The following CAST variants were observed in gnomAD, a reference collection of about 807,000 sequenced individuals.
CAST encodes the protein MIR583 host.
A neutral mutation model predicts 119.6 loss-of-function variants in CAST; 76 were observed. That is an observed-to-expected ratio of 0.64 (90% CI 0.53 to 0.77). CAST has a LOEUF of 0.77. Among genes scored for constraint, CAST ranks in the 30% least tolerant of loss-of-function variants. The pLI is 0.00. For synonymous variants in CAST, 319 were observed against 331.6 expected (o/e 0.96, Z 0.41); for missense variants, 953 against 946.5 (o/e 1.01, Z -0.09).
the CAST span, among the ~76,000 whole-genome samples, chr5:96,250,090 C>A: frequency 1.3e-5 from 2 of 152,140 alleles, no homozygotes; most frequent in East Asian, 3.8e-4. Flanking sequence ...CTTCACTTCC[C>A]AAACATAAAT....
rs58046546 is a variant in CAST at position 96,617,198 on chromosome 5, T to C, written c.61-58341T>C. ...TCTAAATCACTGACTGCTCTGAGAATGTAGTAAAAGCTACAGACTCTTGCC... is the reference window on the plus strand; with the variant it reads ...TCTAAATCACTGACTGCTCTGAGAACGTAGTAAAAGCTACAGACTCTTGCC... On this transcript the variant is annotated intron_variant, in intron 1 of 11. Coordinates refer to the CAST transcript ENST00000505143. Among the ~76,000 whole-genome samples the C allele has an allele frequency of 6.8e-3, 1,027 of 152,122 alleles. 12 individuals carry two copies. The highest frequency in any genetic ancestry group is 0.024 in the African/African-American group (985 of 41,494).
chr5:96,550,114 C>T (rs1746098567), intron 1 of CAST, among the ~76,000 whole-genome samples: 1 of 152,220 alleles, frequency 6.6e-6, no homozygotes, highest in Non-Finnish European at 1.5e-5. Context: ...CAAGTGGGTC[C>T]CTGACCCCCG....
upstream of CAST, among the ~76,000 whole-genome samples, chr5:96,659,855 A>G (rs72772072): frequency 0.092 from 14,040 of 152,220 alleles, 881 homozygotes; most frequent in Middle Eastern, 0.14. Context: ...TCCCCAAATT[A>G]GTAAATGCTG....
At chr5:96,508,602 A>G in the CAST span, among the ~76,000 whole-genome samples, 1 of 152,104 alleles carries the variant, frequency 6.6e-6, no homozygotes, top group Non-Finnish European at 1.5e-5. Context: ...GCAGCTTGTA[A>G]AGAAAAATTC....
the CAST span, among the ~76,000 whole-genome samples, chr5:96,286,289 A>G: frequency 6.6e-6 from 1 of 152,236 alleles, no homozygotes; most frequent in African/African-American, 2.4e-5. Flanking sequence ...TCTAGTTGCC[A>G]TAAAGGTAGC....
chr5:96,061,569 T>TATAGCCCC, the CAST span, among the ~76,000 whole-genome samples: 2 of 152,074 alleles, frequency 1.3e-5, no homozygotes, highest in Admixed American at 1.3e-4. Context: ...TTGGATGCAC[T>TATAGCCCC]ATAGCCCCTC....
At chr5:96,717,616 G>T (rs1757415138) in intron 3 of CAST, among the ~76,000 whole-genome samples, 1 of 152,170 alleles carries the variant, frequency 6.6e-6, no homozygotes, top group South Asian at 2.1e-4. Context: ...CTTGCTCAAG[G>T]TTGCATGTGC....
At chr5:96,006,340 A>G in the CAST span, among the ~76,000 whole-genome samples, 2 of 151,936 alleles carry the variant, frequency 1.3e-5, no homozygotes, top group African/African-American at 2.4e-5. Flanking sequence ...GATATACACT[A>G]ACACCAACAA....
At chr5:96,211,742 C>T in the CAST span, among the ~76,000 whole-genome samples, 2 of 151,916 alleles carry the variant, frequency 1.3e-5, no homozygotes, top group African/African-American at 2.4e-5. Context: ...GGGAATAATT[C>T]TCCAGTGAAA....
At chr5:96,249,482 C>A in the CAST span, among the ~76,000 whole-genome samples, 1 of 152,174 alleles carries the variant, frequency 6.6e-6, no homozygotes, top group Admixed American at 6.5e-5. Flanking sequence ...CAATTTAAAG[C>A]ATGTAGCTCA....
chr5:96,056,308 A>G, the CAST span, among the ~76,000 whole-genome samples: 1 of 152,168 alleles, frequency 6.6e-6, no homozygotes, highest in Non-Finnish European at 1.5e-5. Flanking sequence ...AGCCACAAAA[A>G]AGATTGCTTC....
At chr5:96,105,119 C>T in the CAST span, among the ~76,000 whole-genome samples, 1 of 141,592 alleles carries the variant, frequency 7.1e-6, no homozygotes, top group Non-Finnish European at 1.5e-5. Context: ...TGCTTATCAG[C>T]TTAAGGAGAT....
chr5:96,210,322 T>A, the CAST span: 3 of 152,150 alleles, frequency 2.0e-5, no homozygotes, highest in African/African-American at 4.8e-5. Context: ...AATTACACTT[T>A]AGTCTGCAAT....
In CAST at chr5:96,621,532, G is replaced by A. The variant is rs555647611; in HGVS notation, c.61-54007G>A. 7.9e-5 allele frequency among the ~76,000 whole-genome samples: 12 copies of A among 152,296 alleles called. No homozygotes were observed. In the South Asian group the frequency reaches 2.5e-3, roughly 32 times the overall value. On this transcript the variant is annotated intron_variant, in intron 1 of 11. Transcript: ENST00000505143. ...TATCGCAGCAGGAGAGAGAGAGTGT[G>A]TGTGAAGGAGAAACTGTCAGGCACT...
chr5:96,262,582 T>G, the CAST span, among the ~76,000 whole-genome samples: 1 of 152,124 alleles, frequency 6.6e-6, no homozygotes, highest in Non-Finnish European at 1.5e-5. Context: ...CAAGCTGGAG[T>G]GCAGTGGTGC....
At chr5:96,408,484 A>C in the CAST span, among the ~76,000 whole-genome samples, 1 of 152,214 alleles carries the variant, frequency 6.6e-6, no homozygotes, top group African/African-American at 2.4e-5. Flanking sequence ...GATGTTTGCC[A>C]TCTGCTGATA....
the CAST span, among the ~76,000 whole-genome samples, chr5:96,040,136 T>G: frequency 1.3e-5 from 2 of 152,202 alleles, no homozygotes; most frequent in Non-Finnish European, 2.9e-5. Flanking sequence ...TAGTAGCAAT[T>G]GTGAATAGGA....
chr5:96,499,565 A>G, the CAST span, among the ~76,000 whole-genome samples: 139 of 152,352 alleles, frequency 9.1e-4, no homozygotes, highest in African/African-American at 3.2e-3. Flanking sequence ...ATTGCTGAAG[A>G]CTGAGGTGGC....
chr5:96,506,540 T>C, the CAST span, among the ~76,000 whole-genome samples: 1 of 152,126 alleles, frequency 6.6e-6, no homozygotes. Flanking sequence ...TGTCTCACTA[T>C]CAAGGGAGTC....
Sources: allele counts gnomAD v4.1 joint callset (sites outside exome capture counted in the v4.1 genomes callset), GRCh38; gene constraint gnomAD v4.1.1; transcripts MANE v1.5; gene names NCBI Gene and HGNC (gene_info 2026-07-23, HGNC 2026-07-21).